PCDH7: variants seen among roughly 807,000 people sequenced by gnomAD.
PCDH7 encodes protocadherin-7.
A neutral mutation model predicts 58.9 loss-of-function variants in PCDH7; 17 were observed. The observed-to-expected ratio is 0.29, with a 90% confidence interval of 0.20 to 0.43. The LOEUF (loss-of-function observed/expected upper bound fraction) is 0.43. PCDH7 is among the 20% of genes least tolerant of loss of function. The probability of loss-of-function intolerance (pLI) is 1.00; values close to 1 mark genes in which losing one functional copy is unlikely to be tolerated. For missense variants in PCDH7, 1,274 were observed against 1,441.0 expected (o/e 0.88, Z 1.88); for synonymous variants, 664 against 616.4 (o/e 1.08, Z -1.14).
chr4:30,806,880 A>G (rs956218284), intron 1 of PCDH7, among the ~76,000 whole-genome samples: 2 of 152,076 alleles, frequency 1.3e-5, no homozygotes, highest in Admixed American at 1.3e-4. Context: ...AATCTATTGT[A>G]GAGTGTCACT....
chr4:30,900,265 T>C (rs890029406), intron 1 of PCDH7, among the ~76,000 whole-genome samples: 2 of 152,138 alleles, frequency 1.3e-5, no homozygotes, highest in Admixed American at 1.3e-4. Context: ...CAAAAACATA[T>C]GGTGTGAGCA....
chr4:30,903,682 A>G (rs1318299467), intron 1 of PCDH7, among the ~76,000 whole-genome samples: 4 of 152,156 alleles, frequency 2.6e-5, no homozygotes, highest in Non-Finnish European at 5.9e-5. Context: ...TGCTCAATTT[A>G]TAGTTGATGT....
chr4:30,882,475 T>A (rs1737111585), intron 1 of PCDH7, among the ~76,000 whole-genome samples: 2 of 152,150 alleles, frequency 1.3e-5, no homozygotes, highest in South Asian at 4.1e-4. Context: ...CCCAGGCAGG[T>A]CTCCAGCTCC....
At chr4:30,879,518 A>G (rs548288494) in intron 1 of PCDH7, among the ~76,000 whole-genome samples, 4 of 152,172 alleles carry the variant, frequency 2.6e-5, no homozygotes, top group African/African-American at 7.2e-5. Flanking sequence ...GAAACTTTAT[A>G]AATTGGCCTT....
intron 1 of PCDH7, among the ~76,000 whole-genome samples, chr4:30,827,677 G>A (rs1242768553): frequency 6.6e-6 from 1 of 152,176 alleles, no homozygotes; most frequent in East Asian, 1.9e-4. Context: ...TACATAGACA[G>A]TTGTGCATGC....
intron 1 of PCDH7, among the ~76,000 whole-genome samples, chr4:30,871,973 G>A (rs1431846098): frequency 1.3e-5 from 2 of 151,940 alleles, no homozygotes; most frequent in African/African-American, 4.8e-5. Flanking sequence ...ATTTTCTTCG[G>A]ACACTAGTCA....
At chr4:30,768,530 C>T (rs1367206349) in intron 1 of PCDH7, among the ~76,000 whole-genome samples, 1 of 152,124 alleles carries the variant, frequency 6.6e-6, no homozygotes, top group East Asian at 1.9e-4. Context: ...AGATTAACCC[C>T]CTGTGATTCA....
At chr4:31,037,701 T>C (rs889230819) in intron 3 of PCDH7, among the ~76,000 whole-genome samples, 10 of 152,234 alleles carry the variant, frequency 6.6e-5, no homozygotes, top group African/African-American at 2.4e-4. Context: ...TCCATTGCTC[T>C]CTTTTCTAAA....
At chr4:30,913,255 C>T (rs935042617) in intron 1 of PCDH7, among the ~76,000 whole-genome samples, 1 of 151,592 alleles carries the variant, frequency 6.6e-6, no homozygotes, top group Non-Finnish European at 1.5e-5. Context: ...GTAAATGTTA[C>T]TACATCAGTA....
intron 3 of PCDH7, among the ~76,000 whole-genome samples, chr4:31,129,910 G>A (rs1359004323): frequency 6.7e-6 from 1 of 148,796 alleles, no homozygotes; most frequent in Non-Finnish European, 1.5e-5. Flanking sequence ...TTACAGTCAC[G>A]AGCCACCATA....
rs374435015 is a variant in PCDH7 at position 31,030,180 on chromosome 4, G to A, written c.*7+79965G>A. On this transcript the variant is annotated intron_variant, in intron 3 of 3. Transcript: ENST00000509759. Reference sequence around the variant, plus strand: ...GCATGTGTGTGTGCATGTGTGTATGGGAGTGGTGTTCAGCAGCAAGACTGC... The same window carrying A: ...GCATGTGTGTGTGCATGTGTGTATGAGAGTGGTGTTCAGCAGCAAGACTGC... Among the ~76,000 whole-genome samples, 74 of 88,704 alleles carry A rather than the reference G, an allele frequency of 8.3e-4. 3 individuals are homozygous for A. The South Asian group carries it at 0.025, about 30-fold the overall frequency. The allele number at this position is 88,704 out of a possible 152,430, so 58.2% of individuals were successfully genotyped here.
At chr4:30,939,281 T>C (rs1165152783) in intron 2 of PCDH7, among the ~76,000 whole-genome samples, 1 of 152,156 alleles carries the variant, frequency 6.6e-6, no homozygotes, top group Non-Finnish European at 1.5e-5. Flanking sequence ...ATTTCAGTAT[T>C]GTGGTATATT....
At chr4:30,890,120 G>T (rs1738419482) in intron 1 of PCDH7, among the ~76,000 whole-genome samples, 1 of 152,102 alleles carries the variant, frequency 6.6e-6, no homozygotes, top group African/African-American at 2.4e-5. Context: ...TATTTACAGT[G>T]ACTTAAGGAG....
At chr4:30,910,304 A>G (rs1274734626) in intron 1 of PCDH7, among the ~76,000 whole-genome samples, 1 of 152,238 alleles carries the variant, frequency 6.6e-6, no homozygotes, top group Admixed American at 6.5e-5. Context: ...AGCAATTGCA[A>G]CAAAAGCCAA....
chr4:30,806,967 C>T (rs1726298105), intron 1 of PCDH7, among the ~76,000 whole-genome samples: 1 of 152,078 alleles, frequency 6.6e-6, no homozygotes. Context: ...CCTTGTATTT[C>T]ACTATTAGAC....
intron 1 of PCDH7, among the ~76,000 whole-genome samples, chr4:30,919,665 T>C (rs1025758132): frequency 2.0e-5 from 3 of 152,210 alleles, no homozygotes; most frequent in Non-Finnish European, 4.4e-5. Context: ...ATTTGTCAGC[T>C]GTACTTTGAA....
intron 1 of PCDH7, among the ~76,000 whole-genome samples, chr4:30,753,988 G>A (rs1718923024): frequency 6.6e-6 from 1 of 152,074 alleles, no homozygotes; most frequent in South Asian, 2.1e-4. Flanking sequence ...GAAACTACCA[G>A]ACATAACAGC....
chr4:31,095,128 T>G (rs911996143), intron 3 of PCDH7, among the ~76,000 whole-genome samples: 9 of 151,438 alleles, frequency 5.9e-5, no homozygotes, highest in African/African-American at 2.2e-4. Context: ...TTTTTTTTTT[T>G]ATGGCTAAAA....
intron 3 of PCDH7, among the ~76,000 whole-genome samples, chr4:31,141,711 GT>G (rs1720277036): frequency 6.6e-6 from 1 of 152,070 alleles, no homozygotes; most frequent in African/African-American, 2.4e-5. Context: ...TTCATCCAAA[GT>G]TTAGTAACTT....
Sources: allele counts gnomAD v4.1 joint callset (sites outside exome capture counted in the v4.1 genomes callset), GRCh38; gene constraint gnomAD v4.1.1; transcripts MANE v1.5; gene names NCBI Gene and HGNC (gene_info 2026-07-23, HGNC 2026-07-21).